The following ADAMTSL1 variants were observed in gnomAD, a reference collection of about 807,000 sequenced individuals.
ADAMTSL1 encodes ADAMTS-like protein 1.
ADAMTSL1 carries 126 observed loss-of-function variants against 201.8 expected under a neutral mutation model. The ratio of observed to expected loss-of-function variants is 0.62; its 90% CI spans 0.54 to 0.72. ADAMTSL1 has a LOEUF of 0.72. ADAMTSL1 is among the 30% of genes least tolerant of loss of function. The probability of loss-of-function intolerance (pLI) is 0.00; values close to 1 mark genes in which losing one functional copy is unlikely to be tolerated. For synonymous variants in ADAMTSL1, 1,121 were observed against 903.4 expected (o/e 1.24, Z -4.32); for missense variants, 2,679 against 2,277.8 (o/e 1.18, Z -3.59).
intron 1 of ADAMTSL1, among the ~76,000 whole-genome samples, chr9:18,062,449 C>T (rs1048738087): frequency 1.3e-5 from 2 of 152,046 alleles, no homozygotes; most frequent in Non-Finnish European, 2.9e-5. Context: ...AATAAAAATG[C>T]ATATGAGTGA....
intron 1 of ADAMTSL1, among the ~76,000 whole-genome samples, chr9:18,492,105 C>T (rs1822297000): frequency 6.6e-6 from 1 of 152,094 alleles, no homozygotes; most frequent in African/African-American, 2.4e-5. Flanking sequence ...TGTAGGAAAG[C>T]ATTTTAAAAA....
chr9:18,267,598 C>T (rs185308035), intron 2 of ADAMTSL1, among the ~76,000 whole-genome samples: 5 of 152,098 alleles, frequency 3.3e-5, no homozygotes, highest in Middle Eastern at 3.4e-3. Context: ...AAGCACTCTA[C>T]GAAAACTGAA....
In ADAMTSL1 at chr9:18,331,191, T is replaced by C. The variant is rs139727051; in HGVS notation, c.207+167210T>C. Among the ~76,000 whole-genome samples the C allele has an allele frequency of 5.9e-3, 896 of 152,246 alleles. 3 individuals are homozygous for C. The highest frequency in any genetic ancestry group is 9.8e-3 in the Non-Finnish European group (669 of 68,016). On this transcript the variant is annotated intron_variant, in intron 2 of 29. Coordinates refer to the ADAMTSL1 transcript ENST00000680146. ...AGGAATGTGGCTCAATAGAACAATA[T>C]GTTCATGGAGAAGAGTGAGACAGGA...
intron 2 of ADAMTSL1, among the ~76,000 whole-genome samples, chr9:18,411,030 T>C (rs956532095): frequency 6.8e-6 from 1 of 147,112 alleles, no homozygotes; most frequent in African/African-American, 2.4e-5. Context: ...TGTTTGGTTT[T>C]TTTTTTGTAT....
intron 1 of ADAMTSL1, among the ~76,000 whole-genome samples, chr9:17,975,252 T>C (rs1414402646): frequency 1.3e-5 from 2 of 152,048 alleles, no homozygotes; most frequent in African/African-American, 4.8e-5. Context: ...GTTCTTTACA[T>C]GTTTTGGTTA....
intron 23 of ADAMTSL1, among the ~76,000 whole-genome samples, chr9:18,879,196 T>C (rs1214350970): frequency 6.6e-6 from 1 of 152,176 alleles, no homozygotes; most frequent in Non-Finnish European, 1.5e-5. Context: ...TGAGATGATG[T>C]TAAGACATTT....
At chr9:18,295,075 G>A (rs189264958) in intron 2 of ADAMTSL1, among the ~76,000 whole-genome samples, 1 of 152,132 alleles carries the variant, frequency 6.6e-6, no homozygotes, top group Admixed American at 6.5e-5. Context: ...TGTGTGTGTG[G>A]CATGCTGCTG....
At chr9:18,201,786 C>G (rs182321894) in intron 2 of ADAMTSL1, among the ~76,000 whole-genome samples, 1 of 152,076 alleles carries the variant, frequency 6.6e-6, no homozygotes, top group East Asian at 1.9e-4. Context: ...GTTTGTATGT[C>G]TTTGAATATG....
intron 2 of ADAMTSL1, among the ~76,000 whole-genome samples, chr9:18,251,301 A>C (rs950210495): frequency 6.6e-6 from 1 of 152,168 alleles, no homozygotes; most frequent in African/African-American, 2.4e-5. Flanking sequence ...AGGAAAAATA[A>C]TTAATAACAT....
chr9:17,929,004 T>G (rs182740960), intron 1 of ADAMTSL1, among the ~76,000 whole-genome samples: 106 of 151,764 alleles, frequency 7.0e-4, no homozygotes, highest in South Asian at 1.5e-3. Flanking sequence ...CATGTGTGGG[T>G]GTGTGTGTGT....
intron 2 of ADAMTSL1, among the ~76,000 whole-genome samples, chr9:18,174,221 A>T (rs1322834037): frequency 6.6e-6 from 1 of 152,184 alleles, no homozygotes; most frequent in Non-Finnish European, 1.5e-5. Context: ...CTTCCCAAGG[A>T]GTCCCTTAGT....
intron 2 of ADAMTSL1, among the ~76,000 whole-genome samples, chr9:18,314,703 C>T (rs1261627609): frequency 6.7e-6 from 1 of 148,320 alleles, no homozygotes; most frequent in African/African-American, 2.5e-5. Flanking sequence ...CAAGGTTTAT[C>T]TCGAAGAGCA....
chr9:18,110,686 A>C (rs1284387725), intron 1 of ADAMTSL1, among the ~76,000 whole-genome samples: 1 of 152,178 alleles, frequency 6.6e-6, no homozygotes, highest in African/African-American at 2.4e-5. Flanking sequence ...GAGACTCTCT[A>C]AGCTAAGTGG....
chr9:18,203,152 A>G (rs1050184212), intron 2 of ADAMTSL1, among the ~76,000 whole-genome samples: 1 of 152,114 alleles, frequency 6.6e-6, no homozygotes, highest in African/African-American at 2.4e-5. Context: ...CTGTTTATAC[A>G]AAGAGGACAG....
chr9:18,743,892 G>A (rs931250091), intron 15 of ADAMTSL1, among the ~76,000 whole-genome samples: 4 of 152,050 alleles, frequency 2.6e-5, no homozygotes, highest in African/African-American at 7.3e-5. Flanking sequence ...GTGATCGCTG[G>A]GTATAACTGC....
chr9:18,562,858 A>C (rs139101437), intron 3 of ADAMTSL1, among the ~76,000 whole-genome samples: 4 of 152,198 alleles, frequency 2.6e-5, no homozygotes, highest in African/African-American at 9.7e-5. Context: ...TCTGTTTATC[A>C]GCACCATCAG....
rs538249441 is a variant in ADAMTSL1, at chr9:18,749,916, G to A, written c.2007-3382G>A. On this transcript the variant is annotated intron_variant, in intron 15 of 28. Coordinates refer to ENST00000380548, the MANE Select transcript of ADAMTSL1 (RefSeq NM_001040272.6). ...CAAGTGGCCTCATGGCTGCCAAAAG[G>A]CCTCTGCTTCAAGGTCCCAGGGGCT... 5.0e-4 allele frequency among the ~76,000 whole-genome samples: 76 copies of A among 152,318 alleles called. 1 individual carries two copies. The highest frequency in any genetic ancestry group is 1.5e-3 in the Admixed American group (23 of 15,304).
intron 1 of ADAMTSL1, among the ~76,000 whole-genome samples, chr9:17,915,131 A>C (rs1826045425): frequency 6.6e-6 from 1 of 152,186 alleles, no homozygotes. Flanking sequence ...TATATTCATG[A>C]CACCATCACC....
chr9:18,488,504 T>A (rs1227808450), intron 1 of ADAMTSL1, among the ~76,000 whole-genome samples: 2 of 152,190 alleles, frequency 1.3e-5, no homozygotes, highest in East Asian at 3.9e-4. Context: ...GAAATAGTGG[T>A]TAAGAGATAG....
Sources: gnomAD v4.1 joint callset for allele counts (sites outside exome capture counted in the v4.1 genomes callset) on GRCh38, gnomAD v4.1.1 for gene constraint, MANE v1.5 for transcripts, NCBI Gene and HGNC (gene_info 2026-07-23, HGNC 2026-07-21) for gene names.